ERBB4: variants seen among roughly 807,000 people sequenced by gnomAD.
The protein encoded by ERBB4 is erb-b2 receptor tyrosine kinase 4.
A neutral mutation model predicts 158.0 loss-of-function variants in ERBB4; 42 were observed. That is an observed-to-expected ratio of 0.27 (90% confidence interval 0.21 to 0.34). ERBB4 has a LOEUF of 0.34. ERBB4 is among the 10% of genes least tolerant of loss of function. The pLI is 1.00. For missense variants in ERBB4, 1,333 were observed against 1,624.1 expected (o/e 0.82, Z 3.08); for synonymous variants, 583 against 558.7 (o/e 1.04, Z -0.61).
intron 20 of ERBB4, among the ~76,000 whole-genome samples, chr2:211,515,912 A>ATATATATATATTTTTTTT (rs35696520): frequency 7.6e-5 from 6 of 78,974 alleles, no homozygotes; most frequent in African/African-American, 3.4e-4. Flanking sequence ...ATATATATAT[A>ATATATATATATTTTTTTT]TTTTTTTTTT....
chr2:212,077,858 T>G (rs1009402967), intron 2 of ERBB4, among the ~76,000 whole-genome samples: 3 of 152,110 alleles, frequency 2.0e-5, no homozygotes, highest in African/African-American at 7.2e-5. Context: ...ATTTCCATAC[T>G]TGTTTCTGAA....
chr2:211,471,088 G>A (rs1451924910), intron 20 of ERBB4, among the ~76,000 whole-genome samples: 1 of 152,140 alleles, frequency 6.6e-6, no homozygotes, highest in Non-Finnish European at 1.5e-5. Flanking sequence ...ATTATAACAT[G>A]AGAATCCCAA....
At chr2:212,055,643 C>T (rs1447604570) in intron 2 of ERBB4, among the ~76,000 whole-genome samples, 1 of 152,240 alleles carries the variant, frequency 6.6e-6, no homozygotes, top group East Asian at 1.9e-4. Context: ...TCTGCAGCCA[C>T]CACTGCTGAT....
chr2:211,522,044 A>G (rs2066200303), intron 20 of ERBB4, among the ~76,000 whole-genome samples: 1 of 152,190 alleles, frequency 6.6e-6, no homozygotes, highest in Non-Finnish European at 1.5e-5. Flanking sequence ...TATCTAGCCC[A>G]TAGATCGAGG....
chr2:211,981,020 A>G (rs1435165163), intron 2 of ERBB4, among the ~76,000 whole-genome samples: 1 of 145,610 alleles, frequency 6.9e-6, no homozygotes, highest in Non-Finnish European at 1.5e-5. Context: ...CTTCAATCCA[A>G]TGCTTTCTTA....
intron 1 of ERBB4, among the ~76,000 whole-genome samples, chr2:212,388,603 A>G (rs1288041675): frequency 6.6e-6 from 1 of 152,076 alleles, no homozygotes; most frequent in Non-Finnish European, 1.5e-5. Flanking sequence ...ATGGACTGGA[A>G]TGGACAAAGT....
At chr2:211,634,576 C>A (rs1298924781) in intron 16 of ERBB4, among the ~76,000 whole-genome samples, 1 of 152,110 alleles carries the variant, frequency 6.6e-6, no homozygotes, top group African/African-American at 2.4e-5. Context: ...GAGGAAATAG[C>A]AACCTAAGTT....
At chr2:212,180,828 G>A (rs1174367744) in intron 1 of ERBB4, among the ~76,000 whole-genome samples, 2 of 151,450 alleles carry the variant, frequency 1.3e-5, no homozygotes, top group Non-Finnish European at 3.0e-5. Flanking sequence ...ACACTCTTGG[G>A]GACATTTAGT....
rs538067745 is a variant in ERBB4 at position 211,546,009 on chromosome 2, T to C, written c.2487+15894A>G. ...CCACTCAGCTCACCCTCCCTTTCCA[T>C]AACTACACATATATTTTGTTCATAT... On this transcript the variant is annotated intron_variant, in intron 20 of 27. Coordinates refer to ENST00000342788, the MANE Select transcript of ERBB4 (RefSeq NM_005235.3). Among the ~76,000 whole-genome samples the C allele has an allele frequency of 2.4e-4, 37 of 152,194 alleles. 1 individual carries two copies. In the South Asian group the frequency reaches 7.3e-3, roughly 30 times the overall value.
chr2:212,036,878 G>A (rs912598506), intron 2 of ERBB4, among the ~76,000 whole-genome samples: 1 of 152,142 alleles, frequency 6.6e-6, no homozygotes, highest in African/African-American at 2.4e-5. Context: ...TGGGGACAAA[G>A]GACAGAGAAA....
intron 12 of ERBB4, among the ~76,000 whole-genome samples, chr2:211,701,485 G>A (rs1258658780): frequency 6.6e-6 from 1 of 152,036 alleles, no homozygotes; most frequent in Non-Finnish European, 1.5e-5. Flanking sequence ...GGCCGGGCGC[G>A]GTGGCTCATG....
intron 9 of ERBB4, among the ~76,000 whole-genome samples, chr2:211,709,274 T>TATATATATATACATATATATATATAC (rs1553615210): frequency 1.5e-5 from 2 of 136,550 alleles, no homozygotes; most frequent in African/African-American, 5.7e-5. Context: ...TATATATATA[T>TATATATATATACATATATATATATAC]ACATACATAT....
At chr2:211,689,302 C>T (rs2072703148) in intron 12 of ERBB4, among the ~76,000 whole-genome samples, 1 of 152,146 alleles carries the variant, frequency 6.6e-6, no homozygotes, top group South Asian at 2.1e-4. Context: ...TCAAGTGATC[C>T]TTCCACCTTA....
At chr2:211,809,355 C>G (rs2076695291) in intron 3 of ERBB4, among the ~76,000 whole-genome samples, 1 of 152,116 alleles carries the variant, frequency 6.6e-6, no homozygotes, top group Non-Finnish European at 1.5e-5. Context: ...TAATTATTGC[C>G]TTAATTTCAG....
intron 1 of ERBB4, among the ~76,000 whole-genome samples, chr2:212,193,874 T>C (rs2082346381): frequency 6.6e-6 from 1 of 152,052 alleles, no homozygotes. Context: ...ATGTTTGTGG[T>C]AGACTTTCAA....
intron 1 of ERBB4, among the ~76,000 whole-genome samples, chr2:212,126,038 A>G (rs911332330): frequency 1.3e-5 from 2 of 152,220 alleles, no homozygotes; most frequent in Non-Finnish European, 2.9e-5. Context: ...TACAACTTTT[A>G]TTGTTATCAA....
intron 1 of ERBB4, among the ~76,000 whole-genome samples, chr2:212,495,687 T>C (rs1456795228): frequency 6.6e-6 from 1 of 152,208 alleles, no homozygotes; most frequent in Non-Finnish European, 1.5e-5. Flanking sequence ...CACATAATTA[T>C]AGCCTTCAGG....
chr2:212,384,910 T>TAC (rs1560177248), intron 1 of ERBB4, among the ~76,000 whole-genome samples: 1 of 140,320 alleles, frequency 7.1e-6, no homozygotes, highest in Non-Finnish European at 1.5e-5. Flanking sequence ...TATATATATA[T>TAC]ATATATATAT....
intron 20 of ERBB4, among the ~76,000 whole-genome samples, chr2:211,545,613 A>AAG (rs924122621): frequency 2.6e-5 from 4 of 152,110 alleles, no homozygotes; most frequent in African/African-American, 9.7e-5. Flanking sequence ...GGGACTTGAT[A>AAG]ATAAAATCCA....
Sources: allele counts gnomAD v4.1 joint callset (sites outside exome capture counted in the v4.1 genomes callset), GRCh38; gene constraint gnomAD v4.1.1; transcripts MANE v1.5; gene names NCBI Gene and HGNC (gene_info 2026-07-23, HGNC 2026-07-21).